Variants in PKIB observed in about 807,000 individuals in gnomAD.
PKIB encodes cAMP-dependent protein kinase inhibitor beta, also known as PKI-beta.
In PKIB, 2 loss-of-function variants were observed where a neutral mutation model predicts 4.5. The ratio of observed to expected loss-of-function variants is 0.44; its 90% confidence interval spans 0.18 to 1.39. PKIB has a LOEUF of 1.39. Ranked by LOEUF, PKIB falls within the 40% of genes most tolerant of loss-of-function variation. The probability of loss-of-function intolerance (pLI) is 0.27; values close to 1 mark genes in which losing one functional copy is unlikely to be tolerated. For synonymous variants in PKIB, 38 were observed against 36.0 expected, an observed-to-expected ratio of 1.06 and a Z score of -0.20; for missense variants, 94 against 92.6, an observed-to-expected ratio of 1.02 and a Z score of -0.06.
chr6:122,638,176 C>T (rs1051041110), intron 2 of PKIB, among the ~76,000 whole-genome samples: 1 of 152,026 alleles, frequency 6.6e-6, no homozygotes, highest in Non-Finnish European at 1.5e-5. Context: ...TACTGCTGCT[C>T]CTTCAATGCT....
At chr6:122,717,687 A>G in intron 3 of PKIB, 100 bp from the exon 4 acceptor site, 1 of 1,138,166 alleles carries the variant, frequency 8.8e-7, no homozygotes, top group Non-Finnish European at 1.3e-6. Context: ...TAGACTCTCA[A>G]GCCTGTTGTG....
At chr6:122,537,570 G>A (rs936542936) in intron 2 of PKIB, among the ~76,000 whole-genome samples, 1 of 152,114 alleles carries the variant, frequency 6.6e-6, no homozygotes, top group African/African-American at 2.4e-5. Context: ...TCTTCATCCA[G>A]TCTATCGTTG....
chr6:122,639,144 C>A (rs1776034692), intron 2 of PKIB, among the ~76,000 whole-genome samples: 1 of 152,072 alleles, frequency 6.6e-6, no homozygotes, highest in Non-Finnish European at 1.5e-5. Flanking sequence ...CAAGCATAAC[C>A]CTAAACTTAA....
At chr6:122,679,968 A>T (rs1254183734) in intron 3 of PKIB, among the ~76,000 whole-genome samples, 1 of 152,186 alleles carries the variant, frequency 6.6e-6, no homozygotes, top group Non-Finnish European at 1.5e-5. Context: ...ACCAAACCAC[A>T]TGTACCTTCT....
chr6:122,580,253 A>G (rs1426131267), intron 2 of PKIB, among the ~76,000 whole-genome samples: 2 of 152,158 alleles, frequency 1.3e-5, no homozygotes, highest in African/African-American at 2.4e-5. Flanking sequence ...TAAGCATGCA[A>G]ACATTTTCTA....
intron 2 of PKIB, among the ~76,000 whole-genome samples, chr6:122,653,083 T>C (rs1173070556): frequency 1.3e-5 from 2 of 152,166 alleles, no homozygotes; most frequent in Admixed American, 6.6e-5. Context: ...GGTTTGGAGT[T>C]TGGTTTTGTT....
At chr6:122,475,687 G>A (rs1399982190) in intron 1 of PKIB, among the ~76,000 whole-genome samples, 2 of 152,044 alleles carry the variant, frequency 1.3e-5, no homozygotes, top group East Asian at 1.9e-4. Context: ...TCAAGAGGCC[G>A]AGGCAGGAGA....
chr6:122,676,143 A>G (rs564468296), intron 3 of PKIB, among the ~76,000 whole-genome samples: 2 of 151,942 alleles, frequency 1.3e-5, no homozygotes, highest in Non-Finnish European at 2.9e-5. Context: ...CTGCAACTAG[A>G]TGGTCCTATC....
chr6:122,665,030 C>A (rs965678273), intron 2 of PKIB, among the ~76,000 whole-genome samples: 1 of 152,066 alleles, frequency 6.6e-6, no homozygotes, highest in Non-Finnish European at 1.5e-5. Flanking sequence ...GCCTGTACAG[C>A]CTAATACAGT....
chr6:122,713,458 G>A (rs1779351829), intron 3 of PKIB, among the ~76,000 whole-genome samples: 1 of 151,912 alleles, frequency 6.6e-6, no homozygotes, highest in Non-Finnish European at 1.5e-5. Context: ...TCTTTCTGTG[G>A]GCTATATATT....
intron 3 of PKIB, among the ~76,000 whole-genome samples, chr6:122,692,757 CA>C (rs1468871706): frequency 6.6e-6 from 1 of 152,152 alleles, no homozygotes; most frequent in African/African-American, 2.4e-5. Context: ...TTGTTTCTGT[CA>C]GGGGGACAAT....
chr6:122,560,387 AT>A (rs1328012294), intron 2 of PKIB, among the ~76,000 whole-genome samples: 1 of 152,156 alleles, frequency 6.6e-6, no homozygotes, highest in African/African-American at 2.4e-5. Context: ...CATCCCTGGC[AT>A]GAAACCCACT....
intron 3 of PKIB, among the ~76,000 whole-genome samples, chr6:122,715,607 A>G (rs2115066344): frequency 6.6e-6 from 1 of 151,428 alleles, no homozygotes; most frequent in South Asian, 2.1e-4. Flanking sequence ...ATATATATAT[A>G]TGAAGAGAGA....
At chr6:122,480,988 A>ATTATTATT (rs1352375826) in intron 2 of PKIB, 5 of 152,234 alleles carry the variant, frequency 3.3e-5, no homozygotes, top group Admixed American at 1.3e-4. Context: ...AGTAAATCTT[A>ATTATTATT]AGACATCACT....
chr6:122,704,159 C>T (rs1486200475), intron 3 of PKIB, among the ~76,000 whole-genome samples: 1 of 151,994 alleles, frequency 6.6e-6, no homozygotes, highest in Non-Finnish European at 1.5e-5. Context: ...AGCTTGAAGA[C>T]AGGCAGAGAA....
At chr6:122,600,305 G>A (rs539640356) in intron 3 of PKIB, among the ~76,000 whole-genome samples, 4 of 152,214 alleles carry the variant, frequency 2.6e-5, no homozygotes, top group Middle Eastern at 3.4e-3. Flanking sequence ...ATTAAGGGTG[G>A]ATCTGCCTTT....
chr6:122,619,831 C>T (rs1301043361), intron 1 of PKIB, among the ~76,000 whole-genome samples: 2 of 152,098 alleles, frequency 1.3e-5, no homozygotes, highest in East Asian at 3.8e-4. Context: ...CTACCTCCCC[C>T]TTGACCCAAT....
intron 1 of PKIB, among the ~76,000 whole-genome samples, chr6:122,476,935 T>C (rs1168353227): frequency 6.6e-6 from 1 of 152,202 alleles, no homozygotes; most frequent in Non-Finnish European, 1.5e-5. Context: ...TGAATTCTTA[T>C]TAAACATGTT....
chr6:122,486,056 C>T (rs1252773144), intron 2 of PKIB, among the ~76,000 whole-genome samples: 3 of 152,120 alleles, frequency 2.0e-5, no homozygotes, highest in Non-Finnish European at 4.4e-5. Context: ...AAAATATACC[C>T]ATGTAACCTC....
Sources: gnomAD v4.1 joint callset for allele counts (sites outside exome capture counted in the v4.1 genomes callset) on GRCh38, gnomAD v4.1.1 for gene constraint, MANE v1.5 for transcripts, NCBI Gene and HGNC (gene_info 2026-07-23, HGNC 2026-07-21) for gene names.